GK: variants seen among roughly 807,000 people sequenced by gnomAD.
GK encodes the protein ATP:glycerol 3-phosphotransferase.
A neutral mutation model predicts 56.4 loss-of-function variants in GK; 9 were observed. That is an observed-to-expected ratio of 0.16 (90% CI 0.10 to 0.28). The LOEUF is 0.28. GK is among the 10% of genes least tolerant of loss of function. GK has a pLI of 1.00. For missense variants in GK, 161 were observed against 431.4 expected, an observed-to-expected ratio of 0.37 and a Z score of 5.55; for synonymous variants, 104 against 144.1, an observed-to-expected ratio of 0.72 and a Z score of 1.99.
At chrX:30,663,049 A>AT (rs1932835484) in intron 1 of GK, among the ~76,000 whole-genome samples, 1 of 109,337 alleles carries the variant, frequency 9.1e-6, no homozygotes, top group African/African-American at 3.3e-5. Context: ...CGCCCAACAG[A>AT]TTTTTGTATT....
At chrX:30,697,508 CAT>C (rs952967642) in intron 8 of GK, among the ~76,000 whole-genome samples, 54 of 111,354 alleles carry the variant, frequency 4.8e-4, no homozygotes, top group African/African-American at 1.5e-3. Flanking sequence ...TTTAAGGCAA[CAT>C]AGAATTTCTT....
At chrX:30,691,361 C>T (rs894411794) in intron 5 of GK, among the ~76,000 whole-genome samples, 162 bp downstream of exon 5, 3 of 110,842 alleles carry the variant, frequency 2.7e-5, no homozygotes, top group East Asian at 2.8e-4. Context: ...TTTACCTTCC[C>T]GTCTTTCTTG....
chrX:30,677,570 T>C, intron 4 of GK, 118 bp downstream of exon 4: 1 of 545,166 alleles, frequency 1.8e-6, no homozygotes, highest in South Asian at 2.4e-5. Context: ...CTCACGCCTG[T>C]AATCCCAGCA....
intron 5 of GK, 81 bp downstream of exon 5, chrX:30,691,280 CT>C: frequency 1.8e-6 from 1 of 545,459 alleles, no homozygotes; most frequent in South Asian, 2.6e-5. Flanking sequence ...AAAGAAGCAT[CT>C]TATGGTACAA....
chrX:30,677,559 G>T, intron 4 of GK, 107 bp downstream of exon 4: 1 of 561,645 alleles, frequency 1.8e-6, no homozygotes, highest in Non-Finnish European at 3.2e-6. Context: ...AGGCATGGTG[G>T]CTCACGCCTG....
At chrX:30,681,763 CAAAG>C (rs1411069452) in intron 4 of GK, among the ~76,000 whole-genome samples, 1 of 111,706 alleles carries the variant, frequency 9.0e-6, no homozygotes, top group Non-Finnish European at 1.9e-5. Flanking sequence ...TCAGTGGAAA[CAAAG>C]GAAGTCAGAA....
intron 4 of GK, chrX:30,689,478 A>T (rs760435271): frequency 3.3e-5 from 11 of 329,460 alleles, no homozygotes; most frequent in Admixed American, 2.8e-4. Flanking sequence ...CAGCAGTGCA[A>T]GGGTAGCTAA....
chrX:30,707,495 A>C, intron 11 of GK, 61 bp from the exon 12 acceptor site: 1 of 671,072 alleles, frequency 1.5e-6, no homozygotes, highest in Non-Finnish European at 2.4e-6. Context: ...TTGTGTTATT[A>C]ATGTTTCATT....
intron 4 of GK, among the ~76,000 whole-genome samples, chrX:30,689,925 GTCTT>G (rs1044069668): frequency 2.7e-5 from 3 of 111,811 alleles, no homozygotes; most frequent in Admixed American, 9.6e-5. Context: ...GTTGTGGTGA[GTCTT>G]TTCTTGCTGC....
Position 30,697,957 on chromosome X carries a change from A to G in GK, c.747+208A>G, listed in dbSNP as rs774651360. 8.0e-5 allele frequency among the ~76,000 whole-genome samples: 9 copies of G among 112,232 alleles called. No homozygotes were observed. In the South Asian group the frequency reaches 3.3e-3, roughly 41 times the overall value. ...TTTTTAAAGAGTAATGTTCTAAAAT[A>G]AAAGACTAAGGTAGTTTCCTGGAAT... On this transcript the variant is annotated intron_variant, in intron 9 of 20. Transcript: ENST00000427190.
chrX:30,725,188 A>G (rs1249945513), intron 19 of GK, among the ~76,000 whole-genome samples: 1 of 111,491 alleles, frequency 9.0e-6, no homozygotes, highest in African/African-American at 3.3e-5. Context: ...TGGCTTGAGC[A>G]TATACTTTAA....
At chrX:30,712,222 T>A (rs1240000165) in intron 13 of GK, among the ~76,000 whole-genome samples, 1 of 112,290 alleles carries the variant, frequency 8.9e-6, no homozygotes, top group Non-Finnish European at 1.9e-5. Flanking sequence ...ACATTCGAGT[T>A]GTTTTCAGTA....
intron 1 of GK, among the ~76,000 whole-genome samples, chrX:30,659,118 G>A (rs1442381065): frequency 2.7e-5 from 3 of 111,546 alleles, no homozygotes; most frequent in Non-Finnish European, 1.9e-5. Flanking sequence ...GGCAACCTCC[G>A]CCTCCTGGGT....
intron 3 of GK, among the ~76,000 whole-genome samples, chrX:30,672,431 G>A (rs1167904048): frequency 5.4e-5 from 6 of 111,233 alleles, no homozygotes; most frequent in Non-Finnish European, 1.1e-4. Context: ...AAGGCACCTC[G>A]TTCTCCAAAA....
intron 1 of GK, among the ~76,000 whole-genome samples, chrX:30,654,792 G>C (rs780159121): frequency 1.8e-5 from 2 of 112,196 alleles, no homozygotes; most frequent in Admixed American, 9.4e-5. Flanking sequence ...AATGCCTGCT[G>C]ATAAAAGCCC....
chrX:30,717,885 C>G (rs993358128), intron 13 of GK, among the ~76,000 whole-genome samples: 5 of 111,024 alleles, frequency 4.5e-5, no homozygotes, highest in African/African-American at 1.6e-4. Flanking sequence ...GAAATGGAGG[C>G]TCAGAAAGCC....
At chrX:30,700,600 G>T in intron 10 of GK, 151 bp downstream of exon 10, 1 of 514,106 alleles carries the variant, frequency 1.9e-6, no homozygotes, top group South Asian at 3.0e-5. Flanking sequence ...ATGTCATACT[G>T]TGGGCCATTG....
rs765654322 is a variant in GK at position 30,707,586 on chromosome X, T to C, written c.882T>C (p.Asn294=). 6 of 1,088,784 alleles carry C rather than the reference T, an allele frequency of 5.5e-6. No individual in the cohort carries two copies. The Admixed American group carries it at 8.8e-5, about 16-fold the overall frequency. The allele number at this position is 1,088,784 out of a possible 1,213,427, so 89.7% of individuals were successfully genotyped here. A position where few individuals can be genotyped will look rare whatever the true frequency, so the allele number is the denominator to read the frequency against. ...TYGTGCFLLC[N]TGHKCVFSDH... ...GAACAGGATGTTTCTTACTATGTAA[T>C]ACAGGCCATAAGGTTGGTTTTTTAA... The change falls in exon 12 of 21, where the codon AAT becomes AAC. Residue 294 remains asparagine (N), a synonymous_variant. Coordinates refer to ENST00000427190, the MANE Select transcript of GK (RefSeq NM_001205019.2).
intron 20 of GK, among the ~76,000 whole-genome samples, chrX:30,728,467 T>G (rs1483237338): frequency 8.9e-6 from 1 of 112,038 alleles, no homozygotes; most frequent in Non-Finnish European, 1.9e-5. Flanking sequence ...ATGCATGTGG[T>G]CACTATATGT....
Sources: allele counts gnomAD v4.1 joint callset (sites outside exome capture counted in the v4.1 genomes callset), GRCh38; gene constraint gnomAD v4.1.1; transcripts MANE v1.5; gene names NCBI Gene and HGNC (gene_info 2026-07-23, HGNC 2026-07-21).